PRMT9: variants seen among roughly 807,000 people sequenced by gnomAD.
PRMT9 encodes the protein protein arginine N-methyltransferase 9.
A neutral mutation model predicts 83.2 loss-of-function variants in PRMT9; 59 were observed. The ratio of observed to expected loss-of-function variants is 0.71; its 90% CI spans 0.57 to 0.88. The LOEUF (loss-of-function observed/expected upper bound fraction) is 0.88, where lower values mean the gene tolerates loss of function less well. Among genes scored for constraint, PRMT9 ranks in the 40% least tolerant of loss-of-function variants. The probability of loss-of-function intolerance (pLI) is 0.00; values close to 1 mark genes in which losing one functional copy is unlikely to be tolerated. For missense variants in PRMT9, 947 were observed against 1,021.9 expected (o/e 0.93, Z 1.00); for synonymous variants, 333 against 353.2 (o/e 0.94, Z 0.64).
At chr4:147,675,577 C>T (rs563893638) in intron 2 of PRMT9, among the ~76,000 whole-genome samples, 1 of 152,076 alleles carries the variant, frequency 6.6e-6, no homozygotes, top group Non-Finnish European at 1.5e-5. Flanking sequence ...ATTAAACACA[C>T]CCCTAATAAT....
At chr4:147,680,240 CT>C (rs1193083710) in intron 2 of PRMT9, 82 bp downstream of exon 2, 5 of 1,263,304 alleles carry the variant, frequency 4.0e-6, no homozygotes, top group Non-Finnish European at 1.2e-6. Context: ...TAAACTTTCC[CT>C]GTTAAAATTA....
chr4:147,675,736 TA>T (rs1420570523), intron 2 of PRMT9, among the ~76,000 whole-genome samples: 1 of 152,228 alleles, frequency 6.6e-6, no homozygotes, highest in Non-Finnish European at 1.5e-5. Context: ...TGATACAACG[TA>T]TCAGTGAAAC....
intron 1 of PRMT9, among the ~76,000 whole-genome samples, chr4:147,681,369 T>C (rs1394909914): frequency 6.6e-6 from 1 of 152,236 alleles, no homozygotes. Context: ...CATGCTGCAA[T>C]ACTGTGGAAA....
intron 2 of PRMT9, among the ~76,000 whole-genome samples, chr4:147,675,839 C>G (rs1011553108): frequency 6.6e-6 from 1 of 152,114 alleles, no homozygotes; most frequent in African/African-American, 2.4e-5. Flanking sequence ...AAATCTGATG[C>G]TACTGGACTA....
At chr4:147,660,759 CATAAA>C (rs1364075124) in intron 7 of PRMT9, 82 bp downstream of exon 7, 19 of 820,968 alleles carry the variant, frequency 2.3e-5, no homozygotes, top group African/African-American at 1.4e-4. Context: ...CATGCAAACT[CATAAA>C]ATAAAGACTG....
intron 6 of PRMT9, among the ~76,000 whole-genome samples, chr4:147,666,506 T>C (rs1283868774): frequency 6.6e-6 from 1 of 152,224 alleles, no homozygotes; most frequent in Non-Finnish European, 1.5e-5. Flanking sequence ...CTGTATCATA[T>C]ACTAAATCCA....
Position 147,654,552 on chromosome 4 carries a change from G to C in PRMT9, c.1345C>G (p.Pro449Ala). 6.2e-7 allele frequency: 1 copy of C among 1,610,052 alleles called. No homozygotes were observed. The highest frequency in any genetic ancestry group is 8.5e-7 in the Non-Finnish European group (1 of 1,177,024). The change falls in exon 9 of 12, where the codon CCT becomes GCT. Residue 449 changes from proline (P) to alanine (A), a missense_variant. Physicochemically the swap from Pro to Ala is conservative, Grantham distance 27. Transcript: ENST00000322396. ...ACTTCCATCATCACATGGTCTCCAG[G>C]CTTTATCCAGTAGTCTTCATTAAAT... ...VQDLADYWIK[P>A]GDHVMMEVSC...
chr4:147,676,392 A>T (rs1560707307), intron 2 of PRMT9, among the ~76,000 whole-genome samples: 1 of 152,208 alleles, frequency 6.6e-6, no homozygotes, highest in African/African-American at 2.4e-5. Context: ...TAAAATATAG[A>T]TTTTTTTAAC....
At chr4:147,651,233 C>G (rs575948018) in intron 9 of PRMT9, among the ~76,000 whole-genome samples, 3 of 152,002 alleles carry the variant, frequency 2.0e-5, no homozygotes, top group African/African-American at 4.8e-5. Flanking sequence ...AAAATTAACT[C>G]AAAATGGATT....
chr4:147,653,860 T>C lies in PRMT9; in HGVS notation c.2037A>G (p.Ala679=), dbSNP rs1734287655. Reference sequence around the variant, plus strand: ...ATTATTTTGTGTTTTACCTGGATATTGCAGCTTTTTCCATTATTTCCTGCT... The same window carrying C: ...ATTATTTTGTGTTTTACCTGGATATCGCAGCTTTTTCCATTATTTCCTGCT... ...LIQQEIMEKA[A]ISRCLLQSGG... is the part of the protein sequence containing the mutation. Residue 679 remains alanine, a synonymous_variant, in exon 9 of 12, where the codon GCA becomes GCG. Transcript: ENST00000322396. 2 of 1,612,176 alleles carry C rather than the reference T, an allele frequency of 1.2e-6. No individual in the cohort carries two copies. Among genetic ancestry groups the C allele is most frequent in the South Asian group, 2.2e-5 (2 of 90,978 alleles).
At chr4:147,660,805 T>G in intron 7 of PRMT9, 41 bp downstream of exon 7, 1 of 1,338,840 alleles carries the variant, frequency 7.5e-7, no homozygotes, top group Non-Finnish European at 1.1e-6. Flanking sequence ...AAACAATGCA[T>G]GAAATTTAAT....
chr4:147,676,119 T>G (rs192959528), intron 2 of PRMT9, among the ~76,000 whole-genome samples: 1 of 152,350 alleles, frequency 6.6e-6, no homozygotes, highest in East Asian at 1.9e-4. Flanking sequence ...TTTGCTTAGT[T>G]ACATCTCCCC....
chr4:147,659,765 G>A (rs1226492536), intron 7 of PRMT9, among the ~76,000 whole-genome samples: 1 of 151,842 alleles, frequency 6.6e-6, no homozygotes, highest in Non-Finnish European at 1.5e-5. Flanking sequence ...TTTTTTAGTA[G>A]AGACAGGGTT....
chr4:147,679,634 G>T (rs1578944672), intron 2 of PRMT9, among the ~76,000 whole-genome samples: 1 of 152,252 alleles, frequency 6.6e-6, no homozygotes, highest in Non-Finnish European at 1.5e-5. Context: ...TGTAATGCCA[G>T]CTTCTCAGGA....
At position 147,662,097 on chromosome 4, in the gene PRMT9, T is replaced by TA. The variant is rs1012073244; in HGVS notation, c.954-1060_954-1059insT. 3.4e-3 allele frequency among the ~76,000 whole-genome samples: 524 copies of TA among 152,306 alleles called. 4 individuals are homozygous for TA. Among genetic ancestry groups the TA allele is most frequent in the African/African-American group, 0.012 (503 of 41,560 alleles). ...TCAAGAATGTTTATAGCTACACTGC[T>TA]TCTGATAGCGAAAAAAAACTGATAT... is the stretch of plus-strand genomic sequence containing the variant. On this transcript the variant is annotated intron_variant, in intron 6 of 11. Transcript: ENST00000322396.
At chr4:147,680,254 G>A in intron 2 of PRMT9, 69 bp downstream of exon 2, 8 of 1,422,208 alleles carry the variant, frequency 5.6e-6, no homozygotes, top group East Asian at 2.3e-5. Context: ...TAAAATTACA[G>A]TATGATTTAT....
At position 147,639,205 on chromosome 4, in the gene PRMT9, A is replaced by T. The variant is rs182723596; in HGVS notation, c.2200-123T>A. 3.9e-4 allele frequency: 373 copies of T among 952,836 alleles called. 2 individuals are homozygous for T. The Middle Eastern group carries it at 7.6e-3, about 19-fold the overall frequency. The allele number at this position is 952,836 out of a possible 1,614,324, so 59.0% of individuals were successfully genotyped here. A position where few individuals can be genotyped will look rare whatever the true frequency, so the allele number is the denominator to read the frequency against. ...TTTGTACTTGACTCAATAGTACTTG[A>T]CAGAATGCTTTTTACATTACCTCCT... On this transcript the variant is annotated intron_variant, in intron 10 of 11. Transcript: ENST00000322396.
chr4:147,681,919 A>G (rs2126643508), intron 1 of PRMT9, among the ~76,000 whole-genome samples: 1 of 152,346 alleles, frequency 6.6e-6, no homozygotes, highest in Non-Finnish European at 1.5e-5. Context: ...GCCCATACAA[A>G]CAAACACAGA....
chr4:147,683,634 C>T (rs1736647170), intron 1 of PRMT9, among the ~76,000 whole-genome samples, 165 bp downstream of exon 1: 1 of 148,470 alleles, frequency 6.7e-6, no homozygotes, highest in Non-Finnish European at 1.5e-5. Flanking sequence ...TTTTTTTTTA[C>T]GAGGACGTTG....
Sources: gnomAD v4.1 joint callset for allele counts (sites outside exome capture counted in the v4.1 genomes callset) on GRCh38, gnomAD v4.1.1 for gene constraint, MANE v1.5 for transcripts, NCBI Gene and HGNC (gene_info 2026-07-23, HGNC 2026-07-21) for gene names.